Variants in PKIB observed in about 807,000 individuals in gnomAD.
PKIB encodes the protein PKI-beta.
A neutral mutation model predicts 4.5 loss-of-function variants in PKIB; 2 were observed. The ratio of observed to expected loss-of-function variants is 0.44; its 90% CI spans 0.18 to 1.39. The LOEUF (loss-of-function observed/expected upper bound fraction) is 1.39. PKIB is among the 40% of genes most tolerant of loss of function. PKIB has a pLI of 0.27. For synonymous variants in PKIB, 38 were observed against 36.0 expected, an observed-to-expected ratio of 1.06 and a Z score of -0.20; for missense variants, 94 against 92.6, an observed-to-expected ratio of 1.02 and a Z score of -0.06.
intron 1 of PKIB, among the ~76,000 whole-genome samples, chr6:122,626,850 A>T (rs1391280696): frequency 6.6e-6 from 1 of 152,192 alleles, no homozygotes; most frequent in Non-Finnish European, 1.5e-5. Flanking sequence ...TAACTTTCAA[A>T]TAAAAATTAT....
intron 3 of PKIB, among the ~76,000 whole-genome samples, chr6:122,587,295 C>T (rs531196096): frequency 3.5e-4 from 53 of 152,134 alleles, no homozygotes; most frequent in African/African-American, 1.1e-3. Flanking sequence ...TTTATCCTTG[C>T]GATAGTTTGC....
chr6:122,703,160 A>G (rs1453931080), intron 3 of PKIB, among the ~76,000 whole-genome samples: 1 of 152,204 alleles, frequency 6.6e-6, no homozygotes, highest in Non-Finnish European at 1.5e-5. Flanking sequence ...TGCATCGTGT[A>G]TAATGTACAC....
At chr6:122,509,316 G>A (rs72499751) in intron 2 of PKIB, among the ~76,000 whole-genome samples, 14,262 of 152,086 alleles carry the variant, frequency 0.094, 822 homozygotes, top group South Asian at 0.15. Context: ...AACTTGTCAC[G>A]TAACTGAATT....
intron 2 of PKIB, among the ~76,000 whole-genome samples, chr6:122,493,636 C>T (rs155458): frequency 0.81 from 122,827 of 152,168 alleles, 49,776 homozygotes; most frequent in South Asian, 0.92. Context: ...AGTAGTACCT[C>T]TTGTCTGAGA....
At chr6:122,505,235 A>T (rs763545186) in intron 2 of PKIB, among the ~76,000 whole-genome samples, 3 of 152,168 alleles carry the variant, frequency 2.0e-5, no homozygotes, top group Non-Finnish European at 2.9e-5. Flanking sequence ...TCTTGAACAC[A>T]GTGTTTACAG....
chr6:122,558,959 C>T (rs867832240), intron 2 of PKIB, among the ~76,000 whole-genome samples: 7 of 152,164 alleles, frequency 4.6e-5, no homozygotes, highest in Non-Finnish European at 7.3e-5. Flanking sequence ...GCCTTTGCGC[C>T]CTCACAGCTT....
At chr6:122,562,635 G>A (rs1773068886) in intron 2 of PKIB, among the ~76,000 whole-genome samples, 1 of 152,078 alleles carries the variant, frequency 6.6e-6, no homozygotes, top group Non-Finnish European at 1.5e-5. Flanking sequence ...AGACTTCTTG[G>A]AGACTTTGTT....
intron 2 of PKIB, among the ~76,000 whole-genome samples, chr6:122,570,374 C>A (rs1463583388): frequency 6.6e-6 from 1 of 152,302 alleles, no homozygotes; most frequent in South Asian, 2.1e-4. Flanking sequence ...CATCTACCCA[C>A]CTGCTTTAGC....
At chr6:122,690,025 G>A (rs1778260168) in intron 3 of PKIB, among the ~76,000 whole-genome samples, 1 of 148,576 alleles carries the variant, frequency 6.7e-6, no homozygotes, top group African/African-American at 2.4e-5. Flanking sequence ...TCTTCCTATA[G>A]TTTTTGTCTT....
At chr6:122,633,050 G>A (rs943643865) in intron 1 of PKIB, among the ~76,000 whole-genome samples, 1 of 152,170 alleles carries the variant, frequency 6.6e-6, no homozygotes, top group Non-Finnish European at 1.5e-5. Flanking sequence ...TTATCTGGGT[G>A]TATGGAGCTG....
In PKIB at chr6:122,543,850, T is replaced by C. The variant is rs535505429; in HGVS notation, c.-247-42071T>C. Among the ~76,000 whole-genome samples, 66 of 152,154 alleles carry C rather than the reference T, an allele frequency of 4.3e-4. No homozygotes were observed. In the South Asian group the frequency reaches 1.0e-2, roughly 23 times the overall value. On this transcript the variant is annotated intron_variant, in intron 2 of 6. Transcript: ENST00000392491. The stretch of plus-strand genomic sequence containing the variant: ...ACTAGTGAACTTTCAACTCATTATG[T>C]GGGATAAAATAAACTCATATATGGT...
intron 2 of PKIB, among the ~76,000 whole-genome samples, chr6:122,553,078 A>G (rs1247972119): frequency 1.3e-5 from 2 of 151,940 alleles, no homozygotes; most frequent in African/African-American, 2.4e-5. Context: ...ACTGCATTCA[A>G]TTTGTTCTTA....
chr6:122,549,501 G>A (rs899971097), intron 2 of PKIB, among the ~76,000 whole-genome samples: 1 of 152,082 alleles, frequency 6.6e-6, no homozygotes, highest in African/African-American at 2.4e-5. Context: ...TTGAAGTTAG[G>A]ATCCCAGTCT....
intron 2 of PKIB, among the ~76,000 whole-genome samples, chr6:122,641,242 G>A (rs1357513676): frequency 6.6e-6 from 1 of 151,970 alleles, no homozygotes; most frequent in Non-Finnish European, 1.5e-5. Flanking sequence ...TGAAATATAT[G>A]TAGATATATA....
intron 2 of PKIB, among the ~76,000 whole-genome samples, chr6:122,582,137 T>C (rs190791789): frequency 3.1e-4 from 47 of 152,198 alleles, no homozygotes; most frequent in Admixed American, 5.9e-4. Flanking sequence ...TTGTCATCTT[T>C]ATGGAACTAA....
chr6:122,680,581 G>GA (rs1219094399), intron 3 of PKIB, among the ~76,000 whole-genome samples: 1 of 152,186 alleles, frequency 6.6e-6, no homozygotes, highest in Non-Finnish European at 1.5e-5. Flanking sequence ...GGGGAAGAGG[G>GA]ATTCTAGTTT....
chr6:122,701,904 G>A (rs1183665042), intron 3 of PKIB, among the ~76,000 whole-genome samples: 2 of 152,116 alleles, frequency 1.3e-5, no homozygotes, highest in Non-Finnish European at 2.9e-5. Context: ...AGCATGTGAG[G>A]GTTGTAACCA....
intron 2 of PKIB, among the ~76,000 whole-genome samples, chr6:122,562,004 G>GTTTTTTTTTTTTTTTTTTTTTTTTTTT (rs758656278): frequency 2.5e-5 from 2 of 79,480 alleles, no homozygotes; most frequent in Admixed American, 1.7e-4. Flanking sequence ...GTTTTTTTTT[G>GTTTTTTTTTTTTTTTTTTTTTTTTTTT]TTTTTTTTTT....
chr6:122,563,227 G>T (rs1238218995), intron 2 of PKIB, among the ~76,000 whole-genome samples: 1 of 152,058 alleles, frequency 6.6e-6, no homozygotes, highest in African/African-American at 2.4e-5. Context: ...AGTGATTGTT[G>T]TCCCTCTTCT....
Sources: allele counts gnomAD v4.1 joint callset (sites outside exome capture counted in the v4.1 genomes callset), GRCh38; gene constraint gnomAD v4.1.1; transcripts MANE v1.5; gene names NCBI Gene and HGNC (gene_info 2026-07-23, HGNC 2026-07-21).